BRDT: variants seen among roughly 807,000 people sequenced by gnomAD.
The protein encoded by BRDT is bromodomain testis-specific protein.
Under a neutral mutation model 113.9 loss-of-function variants are expected in BRDT, and 77 were observed. The observed-to-expected ratio is 0.68, with a 90% CI of 0.56 to 0.82. BRDT has a LOEUF of 0.82. Among genes scored for constraint, BRDT ranks in the 40% least tolerant of loss-of-function variants. The probability of loss-of-function intolerance (pLI) is 0.00; values close to 1 mark genes in which losing one functional copy is unlikely to be tolerated. For synonymous variants in BRDT, 358 were observed against 366.5 expected, an observed-to-expected ratio of 0.98 and a Z score of 0.26; for missense variants, 1,027 against 1,105.4, an observed-to-expected ratio of 0.93 and a Z score of 1.01.
Position 91,986,821 on chromosome 1 carries a change from G to T in BRDT, c.2003-4363G>T, listed in dbSNP as rs137915294. 3.9e-5 allele frequency among the ~76,000 whole-genome samples: 6 copies of T among 152,232 alleles called. No homozygotes were observed. In the East Asian group the frequency reaches 1.2e-3, roughly 29 times the overall value. On this transcript the variant is annotated intron_variant, in intron 12 of 18. Coordinates refer to ENST00000399546, the MANE Select transcript of BRDT (RefSeq NM_207189.4). ...CCTAGATTTTAACTTTTTAGAGGAGGATGATTTAGTAAGTGCAGGAAGTAT... is the reference window on the plus strand; with the variant it reads ...CCTAGATTTTAACTTTTTAGAGGAGTATGATTTAGTAAGTGCAGGAAGTAT...
intron 1 of BRDT, 140 bp from the exon 2 acceptor site, chr1:91,962,578 C>T: frequency 2.4e-6 from 1 of 410,958 alleles, no homozygotes; most frequent in Non-Finnish European, 4.3e-6. Flanking sequence ...AAGTGATCCA[C>T]CCGCCTTGGC....
In BRDT at chr1:91,977,040, TAGGTTACAAAAGGTGTGA is replaced by T; in HGVS notation, c.619_636del (p.Val207_Lys212del). On this transcript the variant is annotated splice_acceptor_variant and coding_sequence_variant, in exon 6 of 19. Coordinates refer to ENST00000399546, the MANE Select transcript of BRDT (RefSeq NM_207189.4). LOFTEE classifies it high-confidence loss of function. ...TTTTTGTTGTTGAATTGTTCTGTTG[TAGGTTACAAAAGGTGTGA>T]AGAGGAAAGCAGATACAACAACTCC... 6.3e-7 allele frequency: 1 copy of T among 1,585,876 alleles called. No individual in the cohort carries two copies. The highest frequency in any genetic ancestry group is 2.2e-5 in the East Asian group (1 of 44,618).
chr1:92,013,019 A>T (rs1687939060), intron 18 of BRDT, among the ~76,000 whole-genome samples: 1 of 151,984 alleles, frequency 6.6e-6, no homozygotes, highest in Non-Finnish European at 1.5e-5. Flanking sequence ...CAGGAGTTCG[A>T]CGCCAGCCTG....
intron 6 of BRDT, 86 bp from the exon 7 acceptor site, chr1:91,978,082 T>G (rs1684325256): frequency 7.9e-7 from 1 of 1,268,944 alleles, no homozygotes; most frequent in Admixed American, 2.2e-5. Flanking sequence ...ATTTGAATTA[T>G]TTTGTAATAT....
At chr1:91,989,934 A>C (rs925876469) in intron 12 of BRDT, among the ~76,000 whole-genome samples, 1 of 152,248 alleles carries the variant, frequency 6.6e-6, no homozygotes, top group Non-Finnish European at 1.5e-5. Context: ...GCTTTTCAGA[A>C]GGCAGAAGGT....
Position 91,994,246 on chromosome 1 carries a change from C to A in BRDT, c.2279C>A (p.Pro760His), listed in dbSNP as rs1402659861. The A allele has an allele frequency of 1.2e-6, 2 of 1,604,662 alleles. No individual in the cohort carries two copies. Among genetic ancestry groups the A allele is most frequent in the African/African-American group, 2.7e-5 (2 of 74,570 alleles). Reference protein sequence around the residue: ...VKNISPLQILPPSGDSEQLSN... With the variant: ...VKNISPLQILHPSGDSEQLSN... ...AACATTTCACCTTTACAAATTCTGCCTCCCTCAGGTAAGAAATTAACAAGT... is the reference window on the plus strand; with the variant it reads ...AACATTTCACCTTTACAAATTCTGCATCCCTCAGGTAAGAAATTAACAAGT... The change falls in exon 15 of 19, where the codon CCT becomes CAT. Residue 760 changes from proline to histidine, a missense_variant. Coordinates refer to ENST00000399546, the MANE Select transcript of BRDT (RefSeq NM_207189.4).
intron 4 of BRDT, among the ~76,000 whole-genome samples, chr1:91,969,786 C>A (rs1683428337): frequency 6.7e-6 from 1 of 148,186 alleles, no homozygotes; most frequent in African/African-American, 2.5e-5. Flanking sequence ...ACTTAACTTT[C>A]AAGTGTTTAA....
In BRDT at chr1:91,977,383, G is replaced by A; in HGVS notation, c.959G>A (p.Gly320Glu). The change falls in exon 6 of 19, where the codon GGA (glycine) becomes GAA (glutamate). Residue 320 changes from glycine (G) to glutamate (E), a missense_variant. Gly to Glu is a moderately conservative substitution (Grantham distance 98). Coordinates refer to ENST00000399546, the MANE Select transcript of BRDT (RefSeq NM_207189.4). Reference protein sequence around the residue: ...YDVVKNPMDLGTIKEKMDNQE... With the variant: ...YDVVKNPMDLETIKEKMDNQE... ...GTTGTCAAAAATCCGATGGATCTTG[G>A]AACTATTAAGGTAAATGTTGCCTTA... The A allele has an allele frequency of 6.3e-7, 1 of 1,577,742 alleles. No homozygotes were observed. Among genetic ancestry groups the A allele is most frequent in the South Asian group, 1.2e-5 (1 of 84,334 alleles).
intron 15 of BRDT, among the ~76,000 whole-genome samples, chr1:92,000,703 C>T (rs150273812): frequency 4.6e-5 from 7 of 152,216 alleles, no homozygotes; most frequent in South Asian, 2.1e-4. Flanking sequence ...TCTTCAGCCA[C>T]GAATTAGAAC....
intron 15 of BRDT, among the ~76,000 whole-genome samples, chr1:91,995,348 A>G (rs1686196980): frequency 6.6e-6 from 1 of 151,938 alleles, no homozygotes; most frequent in South Asian, 2.1e-4. Flanking sequence ...TAGGAGGAAG[A>G]GGGAGATGTT....
At chr1:91,985,371 T>A (rs1685118910) in intron 12 of BRDT, among the ~76,000 whole-genome samples, 1 of 151,950 alleles carries the variant, frequency 6.6e-6, no homozygotes, top group African/African-American at 2.4e-5. Context: ...TTTTTTGTAT[T>A]TTTAGTAGAA....
chr1:91,986,896 G>T (rs1685292552), intron 12 of BRDT, among the ~76,000 whole-genome samples: 1 of 151,732 alleles, frequency 6.6e-6, no homozygotes, highest in Admixed American at 6.6e-5. Flanking sequence ...GAAAGCTAAA[G>T]GTACATGACT....
At chr1:91,969,263 T>C (rs917270024) in intron 4 of BRDT, among the ~76,000 whole-genome samples, 3 of 151,956 alleles carry the variant, frequency 2.0e-5, no homozygotes, top group African/African-American at 7.2e-5. Context: ...TCTTTCGTGA[T>C]TGTAAATGTT....
At chr1:91,965,132 T>G (rs1389942171) in intron 3 of BRDT, among the ~76,000 whole-genome samples, 1 of 152,018 alleles carries the variant, frequency 6.6e-6, no homozygotes, top group Non-Finnish European at 1.5e-5. Flanking sequence ...CTGGCTGGTC[T>G]TGAACTCCTG....
At chr1:91,989,998 C>T (rs1479548372) in intron 12 of BRDT, among the ~76,000 whole-genome samples, 1 of 152,088 alleles carries the variant, frequency 6.6e-6, no homozygotes, top group African/African-American at 2.4e-5. Flanking sequence ...GTTGACCATC[C>T]GTGGTGTCCT....
At chr1:91,979,360 C>T (rs112152724) in intron 7 of BRDT, among the ~76,000 whole-genome samples, 2,386 of 152,014 alleles carry the variant, frequency 0.016, 47 homozygotes, top group African/African-American at 0.046. Context: ...GTGATCCACC[C>T]GCCTCGGCCT....
At chr1:91,963,193 C>T (rs1223112721) in intron 2 of BRDT, among the ~76,000 whole-genome samples, 1 of 152,176 alleles carries the variant, frequency 6.6e-6, no homozygotes, top group African/African-American at 2.4e-5. Flanking sequence ...CGTGGTGGCA[C>T]ATGCCTGTAC....
At chr1:91,982,615 C>T (rs934922269) in intron 12 of BRDT, among the ~76,000 whole-genome samples, 1 of 152,154 alleles carries the variant, frequency 6.6e-6, no homozygotes, top group Non-Finnish European at 1.5e-5. Flanking sequence ...GAATTCTTAG[C>T]ATTATTAAAA....
intron 1 of BRDT, among the ~76,000 whole-genome samples, chr1:91,956,193 C>T (rs752765142): frequency 1.1e-4 from 16 of 152,024 alleles, no homozygotes; most frequent in Non-Finnish European, 1.6e-4. Flanking sequence ...ATGTTATGAC[C>T]GATCTTTTTC....
Sources: allele counts gnomAD v4.1 joint callset (sites outside exome capture counted in the v4.1 genomes callset), GRCh38; gene constraint gnomAD v4.1.1; transcripts MANE v1.5; gene names NCBI Gene and HGNC (gene_info 2026-07-23, HGNC 2026-07-21).